The following LHFPL3 variants were observed in gnomAD, a reference collection of about 807,000 sequenced individuals.
LHFPL3 encodes LHFPL tetraspan subfamily member 3.
In LHFPL3, 5 loss-of-function variants were observed where a neutral mutation model predicts 19.3. That is an observed-to-expected ratio of 0.26 (90% CI 0.14 to 0.54). The LOEUF is 0.54. Among genes scored for constraint, LHFPL3 ranks in the 20% least tolerant of loss-of-function variants. LHFPL3 has a pLI of 0.94. For missense variants in LHFPL3, 249 were observed against 307.4 expected, an observed-to-expected ratio of 0.81 and a Z score of 1.42; for synonymous variants, 133 against 126.2, an observed-to-expected ratio of 1.05 and a Z score of -0.36.
At chr7:104,769,612 C>CT (rs1397209834) in intron 2 of LHFPL3, among the ~76,000 whole-genome samples, 1 of 150,170 alleles carries the variant, frequency 6.7e-6, no homozygotes, top group East Asian at 2.0e-4. Flanking sequence ...TCTTTTAGCC[C>CT]CCCCAACCCC....
intron 1 of LHFPL3, among the ~76,000 whole-genome samples, chr7:104,539,886 TAA>T (rs1469881574): frequency 6.6e-6 from 1 of 152,138 alleles, no homozygotes; most frequent in Non-Finnish European, 1.5e-5. Flanking sequence ...TCTCACAAAA[TAA>T]AAAGTTGGGA....
chr7:104,512,117 G>T (rs1182313626), intron 1 of LHFPL3, among the ~76,000 whole-genome samples: 1 of 151,562 alleles, frequency 6.6e-6, no homozygotes, highest in African/African-American at 2.4e-5. Context: ...ACCACACTCA[G>T]CTAATTTTTG....
intron 1 of LHFPL3, among the ~76,000 whole-genome samples, chr7:104,541,144 AC>A (rs1794478968): frequency 6.7e-6 from 1 of 148,332 alleles, no homozygotes; most frequent in East Asian, 1.9e-4. Context: ...ACACACACAC[AC>A]ACAACCCTGT....
At chr7:104,751,964 C>T (rs1794181528) in intron 2 of LHFPL3, among the ~76,000 whole-genome samples, 1 of 152,018 alleles carries the variant, frequency 6.6e-6, no homozygotes, top group Non-Finnish European at 1.5e-5. Flanking sequence ...TGGCGCCCTG[C>T]CCTGTGGTGC....
intron 1 of LHFPL3, among the ~76,000 whole-genome samples, chr7:104,637,077 C>A (rs549152317): frequency 6.6e-6 from 1 of 152,272 alleles, no homozygotes; most frequent in Non-Finnish European, 1.5e-5. Context: ...ATTAACCATT[C>A]TGACTGGTGT....
intron 1 of LHFPL3, among the ~76,000 whole-genome samples, chr7:104,574,592 T>C (rs1445474620): frequency 6.6e-6 from 1 of 152,182 alleles, no homozygotes; most frequent in African/African-American, 2.4e-5. Flanking sequence ...CTCTAGAAAA[T>C]ACAGTTTTCA....
intron 2 of LHFPL3, among the ~76,000 whole-genome samples, chr7:104,880,302 T>C (rs1792022427): frequency 6.6e-6 from 1 of 152,086 alleles, no homozygotes; most frequent in African/African-American, 2.4e-5. Flanking sequence ...ATGTGATACA[T>C]TGGCTCCCCC....
chr7:104,551,646 G>A (rs1794664598), intron 1 of LHFPL3, among the ~76,000 whole-genome samples: 3 of 152,254 alleles, frequency 2.0e-5, no homozygotes, highest in South Asian at 4.2e-4. Flanking sequence ...CAGTGACAGA[G>A]TGGAAAACCA....
chr7:104,558,496 C>T (rs1480404157), intron 1 of LHFPL3, among the ~76,000 whole-genome samples: 3 of 152,104 alleles, frequency 2.0e-5, no homozygotes, highest in African/African-American at 4.8e-5. Context: ...AGTGTCTGTT[C>T]ATGTCATTCG....
intron 1 of LHFPL3, among the ~76,000 whole-genome samples, chr7:104,411,258 ATTTATC>A (rs1791529209): frequency 6.6e-6 from 1 of 152,164 alleles, no homozygotes; most frequent in African/African-American, 2.4e-5. Context: ...AATGTTGATC[ATTTATC>A]TTTATATGTG....
At chr7:104,403,632 A>C (rs1011626545) in intron 1 of LHFPL3, among the ~76,000 whole-genome samples, 1 of 152,284 alleles carries the variant, frequency 6.6e-6, no homozygotes, top group African/African-American at 2.4e-5. Flanking sequence ...ATATCTTTGG[A>C]GGAAAAAGAA....
chr7:104,488,834 A>G (rs145245623), intron 1 of LHFPL3, among the ~76,000 whole-genome samples: 61 of 152,330 alleles, frequency 4.0e-4, no homozygotes, highest in Middle Eastern at 3.4e-3. Flanking sequence ...GTTGGCACTA[A>G]GAAGGATTCA....
Position 104,329,314 on chromosome 7 carries a change from C to A in LHFPL3, c.445+90C>A, listed in dbSNP as rs796340584. 9.8e-5 allele frequency: 144 copies of A among 1,463,268 alleles called. No individual in the cohort carries two copies. The African/African-American group carries it at 1.7e-3, about 18-fold the overall frequency. The allele number at this position is 1,463,268 out of a possible 1,614,324, so 90.6% of individuals were successfully genotyped here. ...GAGTGGGAGGGACGGGGGCTGTGCGCGCCGCTGCGAGCCAAGCCGCCTAAT... is the reference window on the plus strand; with the variant it reads ...GAGTGGGAGGGACGGGGGCTGTGCGAGCCGCTGCGAGCCAAGCCGCCTAAT... On this transcript the variant is annotated intron_variant, in intron 1 of 2. Coordinates refer to ENST00000424859, the MANE Select transcript of LHFPL3 (RefSeq NM_199000.3).
chr7:104,786,791 A>G (rs1351447800), intron 2 of LHFPL3, among the ~76,000 whole-genome samples: 1 of 152,104 alleles, frequency 6.6e-6, no homozygotes, highest in African/African-American at 2.4e-5. Context: ...AGTGCAATCT[A>G]ATTCTGCTCA....
At chr7:104,655,343 T>C (rs995972729) in intron 1 of LHFPL3, among the ~76,000 whole-genome samples, 2 of 152,220 alleles carry the variant, frequency 1.3e-5, no homozygotes, top group African/African-American at 4.8e-5. Flanking sequence ...GAAAGATGAC[T>C]AAGTAGGCAG....
intron 1 of LHFPL3, among the ~76,000 whole-genome samples, chr7:104,589,764 C>T (rs1168986667): frequency 2.0e-5 from 3 of 152,074 alleles, no homozygotes; most frequent in African/African-American, 4.8e-5. Flanking sequence ...GGTTAGTAGG[C>T]TATTAATTAT....
chr7:104,448,812 A>C (rs942450895), intron 1 of LHFPL3, among the ~76,000 whole-genome samples: 1 of 152,210 alleles, frequency 6.6e-6, no homozygotes, highest in Non-Finnish European at 1.5e-5. Context: ...ATGATTTTAT[A>C]ATGTTTAGGC....
At position 104,869,839 on chromosome 7, in the gene LHFPL3, C is replaced by T. The variant is rs564352680; in HGVS notation, c.683-36348C>T. 5.6e-3 allele frequency among the ~76,000 whole-genome samples: 850 copies of T among 152,210 alleles called. 8 individuals are homozygous for T. Among genetic ancestry groups the T allele is most frequent in the African/African-American group, 0.02 (815 of 41,480 alleles). ...CACAATAGCAAAGACTTGGAACCAA[C>T]CCAAATGTCCAACAATGGTAGACTG... On this transcript the variant is annotated intron_variant, in intron 2 of 2. Transcript: ENST00000424859.
At chr7:104,877,266 T>TA (rs1791964643) in intron 2 of LHFPL3, among the ~76,000 whole-genome samples, 1 of 135,722 alleles carries the variant, frequency 7.4e-6, no homozygotes, top group African/African-American at 2.7e-5. Context: ...CCCTAGAACT[T>TA]AAAGTATAAT....
Sources: allele counts gnomAD v4.1 joint callset (sites outside exome capture counted in the v4.1 genomes callset), GRCh38; gene constraint gnomAD v4.1.1; transcripts MANE v1.5; gene names NCBI Gene and HGNC (gene_info 2026-07-23, HGNC 2026-07-21).